ABCC1: variants seen among roughly 807,000 people sequenced by gnomAD.
The protein encoded by ABCC1 is multidrug resistance-associated protein 1.
In ABCC1, 83 loss-of-function variants were observed where a neutral mutation model predicts 172.9. That is an observed-to-expected ratio of 0.48 (90% CI 0.40 to 0.58). The LOEUF (loss-of-function observed/expected upper bound fraction) is 0.58, where lower values mean the gene tolerates loss of function less well. Among genes scored for constraint, ABCC1 ranks in the 20% least tolerant of loss-of-function variants. ABCC1 has a pLI of 0.00. For synonymous variants in ABCC1, 937 were observed against 825.2 expected, an observed-to-expected ratio of 1.14 and a Z score of -2.32; for missense variants, 1,817 against 2,002.7, an observed-to-expected ratio of 0.91 and a Z score of 1.77.
intron 23 of ABCC1, among the ~76,000 whole-genome samples, chr16:16,117,158 A>G (rs1305683042): frequency 6.6e-6 from 1 of 152,218 alleles, no homozygotes; most frequent in Non-Finnish European, 1.5e-5. Context: ...GAAATACCCA[A>G]TACTGGGTAA....
At chr16:16,108,273 C>CTTTTTTTTTTTT (rs79826916) in intron 21 of ABCC1, among the ~76,000 whole-genome samples, 3 of 106,314 alleles carry the variant, frequency 2.8e-5, no homozygotes, top group African/African-American at 6.7e-5. Context: ...TTCTTTGTGT[C>CTTTTTTTTTTTT]TTTTTTTTTT....
intron 18 of ABCC1, among the ~76,000 whole-genome samples, chr16:16,087,452 T>C (rs1477057587): frequency 6.6e-6 from 1 of 152,140 alleles, no homozygotes; most frequent in Admixed American, 6.6e-5. Context: ...CTCTTTTTTT[T>C]CTCCCCCTGA....
In ABCC1 at chr16:16,121,976, G is replaced by A; in HGVS notation, c.3392G>A (p.Arg1131Lys). Reference protein sequence around the residue: ...PLGLIYFFVQRFYVASSRQLK... With the variant: ...PLGLIYFFVQKFYVASSRQLK... ...CCCCGCGTCTGTTCTCTACCCCAGA[G>A]GTTCTACGTGGCTTCCTCCCGGCAG... Residue 1131 changes from arginine to lysine, a missense_variant and splice_region_variant, in exon 24 of 31, where the codon AGG becomes AAG. Arg to Lys is a conservative substitution (Grantham distance 26). Around this residue, in one of 3 missense-constraint regions of ABCC1, gnomAD observed 1,412 missense variants for 1,600.3 expected, o/e 0.88. Transcript: ENST00000399410. 1 of 1,614,214 alleles carries A rather than the reference G, an allele frequency of 6.2e-7. No homozygotes were observed. Among genetic ancestry groups the A allele is most frequent in the Non-Finnish European group, 8.5e-7 (1 of 1,180,044 alleles).
chr16:16,080,054 C>T (rs1408065627), intron 16 of ABCC1, among the ~76,000 whole-genome samples: 1 of 152,106 alleles, frequency 6.6e-6, no homozygotes, highest in Non-Finnish European at 1.5e-5. Flanking sequence ...CTCAAGTGAT[C>T]TGCACACCTC....
chr16:15,982,803 C>CAAAAAAAAAAAAAAAAAAAAAA (rs148834444), intron 1 of ABCC1, among the ~76,000 whole-genome samples: 1 of 43,222 alleles, frequency 2.3e-5, no homozygotes, highest in Non-Finnish European at 4.3e-5. Context: ...GAGACGCTGT[C>CAAAAAAAAAAAAAAAAAAAAAA]AAAAAAAAAA....
chr16:16,061,306 G>A (rs1051963094), intron 12 of ABCC1, among the ~76,000 whole-genome samples: 1 of 152,236 alleles, frequency 6.6e-6, no homozygotes, highest in African/African-American at 2.4e-5. Flanking sequence ...TATTCATACA[G>A]CCGGACTTCG....
In ABCC1 at chr16:15,954,715, C is replaced by G. The variant is rs535173532; in HGVS notation, c.48+4916C>G. Among the ~76,000 whole-genome samples the G allele has an allele frequency of 3.9e-5, 6 of 152,180 alleles. No individual in the cohort carries two copies. The East Asian group carries it at 7.7e-4, about 20-fold the overall frequency. ...TTTGGCCAAGACTCTCCTGAAGGGT[C>G]GTGTTCTCTTTCTCCGAGGACAAGT... On this transcript the variant is annotated intron_variant, in intron 1 of 30. Transcript: ENST00000399410.
chr16:15,985,737 G>T (rs1487878616), intron 1 of ABCC1, among the ~76,000 whole-genome samples: 5 of 152,040 alleles, frequency 3.3e-5, no homozygotes, highest in Non-Finnish European at 7.4e-5. Context: ...GAGCCACTGT[G>T]CCCAGTCTCT....
intron 17 of ABCC1, 120 bp from the exon 18 acceptor site, chr16:16,086,704 A>G: frequency 9.4e-7 from 1 of 1,063,788 alleles, no homozygotes; most frequent in East Asian, 2.4e-5. Flanking sequence ...CCTGGTCTCA[A>G]GCAGTCCTTC....
At chr16:16,103,597 CA>C (rs1053052196) in intron 20 of ABCC1, among the ~76,000 whole-genome samples, 4 of 151,852 alleles carry the variant, frequency 2.6e-5, no homozygotes, top group African/African-American at 9.7e-5. Context: ...AAAAACAAAA[CA>C]AAACAGCAGC....
intron 5 of ABCC1, among the ~76,000 whole-genome samples, chr16:16,018,702 C>T (rs530422224): frequency 3.3e-5 from 5 of 151,506 alleles, no homozygotes; most frequent in African/African-American, 1.2e-4. Context: ...TGTGCATGTG[C>T]CTGCTTGTGT....
At chr16:16,064,726 T>G (rs985187171) in intron 12 of ABCC1, among the ~76,000 whole-genome samples, 1 of 152,058 alleles carries the variant, frequency 6.6e-6, no homozygotes, top group African/African-American at 2.4e-5. Flanking sequence ...CTCCCACCCA[T>G]CCATTATCTA....
intron 7 of ABCC1, among the ~76,000 whole-genome samples, chr16:16,039,272 T>C (rs866261096): frequency 2.4e-4 from 23 of 97,504 alleles, no homozygotes; most frequent in East Asian, 6.8e-4. Flanking sequence ...TTTTCTTTTT[T>C]TTTTTTTTTT....
At chr16:16,129,656 A>G (rs949547158) in intron 26 of ABCC1, among the ~76,000 whole-genome samples, 1 of 150,378 alleles carries the variant, frequency 6.6e-6, no homozygotes, top group Non-Finnish European at 1.5e-5. Context: ...TCGTGTCTCA[A>G]CCTCCCAAGT....
intron 20 of ABCC1, 42 bp from the exon 21 acceptor site, chr16:16,106,696 A>C: frequency 1.2e-6 from 2 of 1,612,288 alleles, no homozygotes; most frequent in Non-Finnish European, 1.7e-6. Context: ...ACCCTGCCCA[A>C]GGCATCTGTA....
At position 15,949,788 on chromosome 16, in the gene ABCC1, G is replaced by C. The variant is rs1369432476; in HGVS notation, c.37G>C (p.Asp13His). The change falls in exon 1 of 31, where the codon GAC (aspartate) becomes CAC (histidine). Residue 13 changes from aspartate to histidine, a missense_variant. Physicochemically the swap from Asp to His is moderately conservative, Grantham distance 81 (BLOSUM62 -1). Coordinates refer to ENST00000399410, the MANE Select transcript of ABCC1 (RefSeq NM_004996.4). ...LRGFCSADGSDPLWDWNVTWN... is the reference protein window; with the variant it reads ...LRGFCSADGSHPLWDWNVTWN... ...GGGCTTCTGCAGCGCCGATGGCTCCGACCCGCTCTGGGTACGTGCCGGGGG... is the reference window on the plus strand; with the variant it reads ...GGGCTTCTGCAGCGCCGATGGCTCCCACCCGCTCTGGGTACGTGCCGGGGG... 4 of 1,196,930 alleles carry C rather than the reference G, an allele frequency of 3.3e-6. No individual in the cohort carries two copies. Among genetic ancestry groups the C allele is most frequent in the Non-Finnish European group, 3.1e-6 (3 of 965,514 alleles). 74.1% of individuals were successfully genotyped at this position (1,196,930 alleles called of 1,614,324 possible). A position where few individuals can be genotyped will look rare whatever the true frequency, so the allele number is the denominator to read the frequency against.
Position 16,106,931 on chromosome 16 carries a change from C to T in ABCC1, c.2871+58C>T, listed in dbSNP as rs2052147921. ...TGGAGTTTATAGAGCGCCCACTGTGCACTGGGCACTGTGCAAAGTGCCTTG... is the reference window on the plus strand; with the variant it reads ...TGGAGTTTATAGAGCGCCCACTGTGTACTGGGCACTGTGCAAAGTGCCTTG... On this transcript the variant is annotated intron_variant, in intron 21 of 30. Coordinates refer to ENST00000399410, the MANE Select transcript of ABCC1 (RefSeq NM_004996.4). 3.7e-6 allele frequency: 6 copies of T among 1,605,172 alleles called. No homozygotes were observed. The East Asian group carries it at 1.1e-4, about 30-fold the overall frequency.
At chr16:16,094,737 G>C (rs1037675541) in intron 19 of ABCC1, among the ~76,000 whole-genome samples, 2 of 150,270 alleles carry the variant, frequency 1.3e-5, no homozygotes, top group African/African-American at 4.9e-5. Flanking sequence ...GGATGGTCTC[G>C]ATCTCTTGAC....
intron 19 of ABCC1, among the ~76,000 whole-genome samples, chr16:16,093,300 G>A (rs757261820): frequency 1.3e-5 from 2 of 151,952 alleles, no homozygotes; most frequent in African/African-American, 4.8e-5. Flanking sequence ...TTTGCCCAGC[G>A]TGAGGTCTGT....
Sources: gnomAD v4.1 joint callset for allele counts (sites outside exome capture counted in the v4.1 genomes callset) on GRCh38, gnomAD v4.1.1 for gene constraint, gnomAD v4.1.1 regional missense constraint, MANE v1.5 for transcripts, NCBI Gene and HGNC (gene_info 2026-07-23, HGNC 2026-07-21) for gene names.